EFCAB6: variants seen among roughly 807,000 people sequenced by gnomAD.
The protein encoded by EFCAB6 is EF-hand calcium-binding domain-containing protein 6.
In EFCAB6, 156 loss-of-function variants were observed where a neutral mutation model predicts 169.8. The observed-to-expected ratio is 0.92, with a 90% CI of 0.81 to 1.05. The LOEUF (loss-of-function observed/expected upper bound fraction) is 1.05. Among genes scored for constraint, EFCAB6 ranks in the 50% least tolerant of loss-of-function variants. EFCAB6 has a pLI of 0.00. For synonymous variants in EFCAB6, 698 were observed against 676.4 expected (o/e 1.03, Z -0.50); for missense variants, 1,800 against 1,829.1 (o/e 0.98, Z 0.29).
intron 8 of EFCAB6, among the ~76,000 whole-genome samples, chr22:43,728,127 T>C (rs1360193315): frequency 6.6e-6 from 1 of 152,086 alleles, no homozygotes; most frequent in Non-Finnish European, 1.5e-5. Flanking sequence ...TGTGTTCTCA[T>C]TGTTCAACTC....
In EFCAB6 at chr22:43,600,147, C is replaced by T; in HGVS notation, c.2798G>A (p.Gly933Asp). Reference protein sequence around the residue: ...PCAEDYFNFMGHFTKPQQLQE... With the variant: ...PCAEDYFNFMDHFTKPQQLQE... ...TAGCTGCTGTGGCTTTGTAAAATGA[C>T]CCATGAAGTTGAAATAATCCTCTGC... Residue 933 changes from glycine (G) to aspartate (D), a missense_variant, in exon 23 of 32, where the codon GGT (glycine) becomes GAT (aspartate). Coordinates refer to ENST00000262726, the MANE Select transcript of EFCAB6 (RefSeq NM_022785.4). The T allele has an allele frequency of 6.2e-7, 1 of 1,614,092 alleles. No homozygotes were observed. Among genetic ancestry groups the T allele is most frequent in the Non-Finnish European group, 8.5e-7 (1 of 1,180,008 alleles).
chr22:43,732,997 AAAGT>A lies in EFCAB6; in HGVS notation c.645-1190_645-1187del, dbSNP rs571817310. On this transcript the variant is annotated intron_variant, in intron 7 of 31. Transcript: ENST00000262726. ...TCTAAAAATTTGGTAATTATCACTT[AAAGT>A]ATTTATTTTTCTGTTTTCCAAATTT... Among the ~76,000 whole-genome samples, 9 of 152,302 alleles carry A rather than the reference AAAGT, an allele frequency of 5.9e-5. No homozygotes were observed. The South Asian group carries it at 1.9e-3, about 32-fold the overall frequency.
chr22:43,765,129 A>C (rs1403779612), intron 5 of EFCAB6, among the ~76,000 whole-genome samples, 176 bp downstream of exon 5: 1 of 152,160 alleles, frequency 6.6e-6, no homozygotes, highest in African/African-American at 2.4e-5. Flanking sequence ...AGATGCTAAA[A>C]TCTTCCCTAA....
chr22:43,706,027 T>C (rs1050265893), intron 10 of EFCAB6, among the ~76,000 whole-genome samples: 4 of 152,198 alleles, frequency 2.6e-5, no homozygotes, highest in African/African-American at 4.8e-5. Flanking sequence ...GATATTATAA[T>C]TGATACCACA....
At chr22:43,596,225 A>T (rs1327566032) in intron 23 of EFCAB6, among the ~76,000 whole-genome samples, 1 of 152,190 alleles carries the variant, frequency 6.6e-6, no homozygotes, top group Admixed American at 6.5e-5. Context: ...TATTCAACAC[A>T]GTACTGGAAG....
At chr22:43,789,481 G>A (rs1227046465) in intron 2 of EFCAB6, among the ~76,000 whole-genome samples, 1 of 152,140 alleles carries the variant, frequency 6.6e-6, no homozygotes, top group Non-Finnish European at 1.5e-5. Context: ...AAGACCTTAG[G>A]GGAAGCAGGG....
intron 20 of EFCAB6, among the ~76,000 whole-genome samples, chr22:43,617,206 A>AT (rs1317335656): frequency 6.6e-6 from 1 of 152,206 alleles, no homozygotes; most frequent in African/African-American, 2.4e-5. Context: ...ATTACGTTGC[A>AT]TTTTTACAAT....
At chr22:43,718,141 T>C (rs2059400318) in intron 8 of EFCAB6, among the ~76,000 whole-genome samples, 1 of 152,044 alleles carries the variant, frequency 6.6e-6, no homozygotes, top group South Asian at 2.1e-4. Context: ...GAAAAAGTGG[T>C]AGGATTCAGG....
chr22:43,537,430 C>T lies in EFCAB6; in HGVS notation c.3995G>A (p.Cys1332Tyr), dbSNP rs776433515. 6.2e-7 allele frequency: 1 copy of T among 1,614,038 alleles called. No homozygotes were observed. Among genetic ancestry groups the T allele is most frequent in the Non-Finnish European group, 8.5e-7 (1 of 1,180,032 alleles). The change falls in exon 29 of 32, where the codon TGC (cysteine) becomes TAC (tyrosine). Residue 1332 changes from cysteine to tyrosine, a missense_variant. Cys to Tyr is a radical substitution (Grantham distance 194, BLOSUM62 -2). Transcript: ENST00000262726. This position sits in a 1 kb window ranked among gnomAD's most constrained non-coding sequence, Gnocchi z 4.3. ...QGCWRQLLKE[C>Y]KEKDVARQGD... ...CTGTCTGGCCACGTCCTTCTCCTTG[C>T]ATTCTTTCAGGAGCTGGCGCCAGCA...
At position 43,682,203 on chromosome 22, in the gene EFCAB6, A is replaced by AGGCATCTGT. The variant is rs1269951975; in HGVS notation, c.1251+1543_1251+1544insACAGATGCC. Among the ~76,000 whole-genome samples, 3 of 152,122 alleles carry AGGCATCTGT rather than the reference A, an allele frequency of 2.0e-5. No individual in the cohort carries two copies. The South Asian group carries it at 6.2e-4, about 32-fold the overall frequency. On this transcript the variant is annotated intron_variant, in intron 12 of 31. Coordinates refer to ENST00000262726, the MANE Select transcript of EFCAB6 (RefSeq NM_022785.4). ...TGAAACCATGCACTATGTAACTGTA[A>AGGCATCTGT]GGCATCTGATTGTTAATGCCATGAT... is the stretch of plus-strand genomic sequence containing the variant.
chr22:43,574,303 A>G (rs1035368906), intron 26 of EFCAB6, among the ~76,000 whole-genome samples: 2 of 152,164 alleles, frequency 1.3e-5, no homozygotes, highest in Non-Finnish European at 2.9e-5. Flanking sequence ...CATGTAAAAA[A>G]ATGCGTTAGA....
chr22:43,656,942 T>G (rs948685144), intron 17 of EFCAB6, among the ~76,000 whole-genome samples: 7 of 152,222 alleles, frequency 4.6e-5, no homozygotes, highest in African/African-American at 1.7e-4. Context: ...TGTAGGAAAC[T>G]GAACCTCCAG....
intron 6 of EFCAB6, among the ~76,000 whole-genome samples, chr22:43,747,494 G>T (rs2060607026): frequency 1.3e-5 from 2 of 152,176 alleles, no homozygotes; most frequent in Admixed American, 1.3e-4. Flanking sequence ...CCCAGTTTCT[G>T]CCTTGGTGAC....
intron 6 of EFCAB6, among the ~76,000 whole-genome samples, chr22:43,749,107 A>G (rs965737540): frequency 6.6e-6 from 1 of 152,160 alleles, no homozygotes; most frequent in Non-Finnish European, 1.5e-5. Context: ...CTAGTTCAGG[A>G]TACAGTAGAC....
In EFCAB6 at chr22:43,574,014, C is replaced by T. The variant is rs78438891; in HGVS notation, c.3420+2283G>A. ...GGGGCTGCTTTTAAGATCAATAAAA[C>T]GATTCCTATCCCTTGACTCCAGTTA... On this transcript the variant is annotated intron_variant, in intron 26 of 31. Transcript: ENST00000262726. 8.0e-3 allele frequency among the ~76,000 whole-genome samples: 1,224 copies of T among 152,104 alleles called. 7 individuals carry two copies. Among genetic ancestry groups the T allele is most frequent in the Non-Finnish European group, 0.012 (823 of 68,006 alleles).
At chr22:43,709,199 A>G (rs2059068940) in intron 10 of EFCAB6, among the ~76,000 whole-genome samples, 1 of 152,172 alleles carries the variant, frequency 6.6e-6, no homozygotes, top group Non-Finnish European at 1.5e-5. Context: ...CTCCTGCCTC[A>G]GCCTCCCAAA....
At chr22:43,665,908 C>T (rs922786083) in intron 17 of EFCAB6, among the ~76,000 whole-genome samples, 43 of 152,210 alleles carry the variant, frequency 2.8e-4, no homozygotes, top group African/African-American at 1.0e-3. Flanking sequence ...CTGCCTCAGC[C>T]TCCTGAATAG....
At chr22:43,613,451 T>C (rs796790643) in intron 21 of EFCAB6, among the ~76,000 whole-genome samples, 8 of 152,234 alleles carry the variant, frequency 5.3e-5, no homozygotes, top group African/African-American at 1.9e-4. Context: ...TAAGATCATG[T>C]CCTTTGCAGG....
chr22:43,672,445 T>C (rs1449776645), intron 13 of EFCAB6, 140 bp from the exon 14 acceptor site: 27 of 769,994 alleles, frequency 3.5e-5, no homozygotes, highest in Non-Finnish European at 1.9e-5. Flanking sequence ...CAACGGAGCT[T>C]GCCCTCTAAT....
Sources: gnomAD v4.1 joint callset for allele counts (sites outside exome capture counted in the v4.1 genomes callset) on GRCh38, gnomAD v4.1.1 for gene constraint, Gnocchi (gnomAD v3.1) non-coding constraint, MANE v1.5 for transcripts, NCBI Gene and HGNC (gene_info 2026-07-23, HGNC 2026-07-21) for gene names.